Variants in FASTKD1 observed in about 807,000 individuals in gnomAD.
FASTKD1 encodes FAST kinase domains 1.
A neutral mutation model predicts 90.9 loss-of-function variants in FASTKD1; 94 were observed. The ratio of observed to expected loss-of-function variants is 1.03; its 90% CI spans 0.88 to 1.23. The LOEUF is 1.23. Among genes scored for constraint, FASTKD1 ranks in the 50% most tolerant of loss-of-function variants. The pLI, the probability that FASTKD1 is intolerant of heterozygous loss-of-function variation, is 0.00. For missense variants in FASTKD1, 945 were observed against 993.5 expected, an observed-to-expected ratio of 0.95 and a Z score of 0.66; for synonymous variants, 319 against 345.8, an observed-to-expected ratio of 0.92 and a Z score of 0.86.
intron 4 of FASTKD1, among the ~76,000 whole-genome samples, chr2:169,561,944 A>G (rs1427123612): frequency 7.3e-6 from 1 of 137,800 alleles, no homozygotes; most frequent in Non-Finnish European, 1.5e-5. Context: ...AATTTATTAT[A>G]AATTAATTAT....
chr2:169,529,698 G>T lies in FASTKD1; in HGVS notation c.*127C>A. 1.6e-6 allele frequency: 1 copy of T among 639,068 alleles called. No individual in the cohort carries two copies. The allele number at this position is 639,068 out of a possible 1,614,324, so 39.6% of individuals were successfully genotyped here. ...CTGCTCCAGCCACACTGGATCCTTT[G>T]TTATTCTCAAACATGCCAGGCATGT... On this transcript the variant is annotated 3_prime_UTR_variant, in exon 15 of 15. Coordinates refer to ENST00000453153, the MANE Select transcript of FASTKD1 (RefSeq NM_024622.6).
intron 2 of FASTKD1, among the ~76,000 whole-genome samples, chr2:169,570,288 G>C (rs1330756411): frequency 2.6e-5 from 4 of 152,220 alleles, no homozygotes; most frequent in African/African-American, 7.2e-5. Context: ...TCTTTTGAAG[G>C]CTGGATTTCC....
At chr2:169,531,283 G>A in intron 13 of FASTKD1, 69 bp downstream of exon 13, 2 of 1,473,884 alleles carry the variant, frequency 1.4e-6, no homozygotes, top group Non-Finnish European at 1.9e-6. Flanking sequence ...CTTGATCACT[G>A]ACTTCAGTAT....
chr2:169,569,414 G>A lies in FASTKD1; in HGVS notation c.378-162C>T, dbSNP rs112894685. Among the ~76,000 whole-genome samples, 512 of 152,038 alleles carry A rather than the reference G, an allele frequency of 3.4e-3. 4 individuals carry two copies. Among genetic ancestry groups the A allele is most frequent in the African/African-American group, 0.012 (487 of 41,476 alleles). On this transcript the variant is annotated intron_variant, in intron 2 of 14. Transcript: ENST00000453153. ...CTTATTTCAATATTCTGATTTTTTG[G>A]TACAGCCTAATAAACATCTATACTT...
intron 5 of FASTKD1, among the ~76,000 whole-genome samples, chr2:169,558,263 T>C (rs570167083): frequency 6.6e-6 from 1 of 152,316 alleles, no homozygotes; most frequent in South Asian, 2.1e-4. Context: ...CGTGTGTGTG[T>C]TTCTTCGTCT....
At chr2:169,567,136 T>C (rs1042404066) in intron 3 of FASTKD1, among the ~76,000 whole-genome samples, 1 of 152,110 alleles carries the variant, frequency 6.6e-6, no homozygotes, top group Admixed American at 6.6e-5. Flanking sequence ...AACATAAGTT[T>C]ATAGATATTT....
intron 4 of FASTKD1, among the ~76,000 whole-genome samples, chr2:169,561,078 C>G (rs1047998647): frequency 1.3e-5 from 2 of 150,858 alleles, no homozygotes; most frequent in African/African-American, 4.9e-5. Flanking sequence ...GTGGGCAGAT[C>G]ACTTGTGGTC....
In FASTKD1 at chr2:169,568,848, C is replaced by T. The variant is rs1042790218; in HGVS notation, c.446+336G>A. Among the ~76,000 whole-genome samples, 79 of 151,162 alleles carry T rather than the reference C, an allele frequency of 5.2e-4. 1 individual carries two copies. The highest frequency in any genetic ancestry group is 8.7e-4 in the Non-Finnish European group (59 of 67,688). On this transcript the variant is annotated intron_variant, in intron 3 of 14. Coordinates refer to ENST00000453153, the MANE Select transcript of FASTKD1 (RefSeq NM_024622.6). Reference sequence around the variant, plus strand: ...ACCCCATCTCTACTAAAAATACAAACAATTAGCCCTGAGTCATGGTGGGTG... The same window carrying T: ...ACCCCATCTCTACTAAAAATACAAATAATTAGCCCTGAGTCATGGTGGGTG...
chr2:169,531,231 G>T, intron 13 of FASTKD1, 121 bp downstream of exon 13: 1 of 1,021,780 alleles, frequency 9.8e-7, no homozygotes, highest in Non-Finnish European at 1.6e-6. Context: ...TACAAAGGTG[G>T]AATGCATGAC....
At chr2:169,548,191 G>A (rs749939951) in intron 7 of FASTKD1, among the ~76,000 whole-genome samples, 4 of 151,986 alleles carry the variant, frequency 2.6e-5, no homozygotes, top group Non-Finnish European at 5.9e-5. Context: ...TTCCAGTGCT[G>A]TCGCTGAAGA....
chr2:169,537,173 A>G, intron 12 of FASTKD1, 54 bp downstream of exon 12: 3 of 1,061,880 alleles, frequency 2.8e-6, no homozygotes, highest in Non-Finnish European at 4.4e-6. Context: ...AGATGATTCT[A>G]TTCAAATTAG....
At chr2:169,564,949 TTTC>T (rs763994207) in intron 3 of FASTKD1, among the ~76,000 whole-genome samples, 217 of 137,944 alleles carry the variant, frequency 1.6e-3, no homozygotes, top group East Asian at 2.9e-3. Context: ...ATACCACATT[TTTC>T]TTTTTTTTTT....
At chr2:169,571,114 T>C in intron 2 of FASTKD1, 1 of 152,852 alleles carries the variant, frequency 6.5e-6, no homozygotes, top group Non-Finnish European at 1.5e-5. Context: ...GAGAATTGCT[T>C]GAACCTGGGA....
rs10618482 is a variant in FASTKD1 at position 169,568,628 on chromosome 2, TAAAAAAAAA to T, written c.446+547_446+555del. 7.7e-3 allele frequency among the ~76,000 whole-genome samples: 321 copies of T among 41,546 alleles called. 3 individuals carry two copies. Among genetic ancestry groups the T allele is most frequent in the African/African-American group, 0.019 (282 of 15,072 alleles). 27.3% of individuals were successfully genotyped at this position (41,546 alleles called of 152,430 possible). On this transcript the variant is annotated intron_variant, in intron 3 of 14. Coordinates refer to ENST00000453153, the MANE Select transcript of FASTKD1 (RefSeq NM_024622.6). ...GGCAACATGTCAAGACCCTGTCCATTAAAAAAAAAAAAAAAAAAAAAAAAAAAAGAGAGA... is the reference window on the plus strand; with the variant it reads ...GGCAACATGTCAAGACCCTGTCCATTAAAAAAAAAAAAAAAAAAAGAGAGA...
At position 169,544,832 on chromosome 2, in the gene FASTKD1, G is replaced by A. The variant is rs144290701; in HGVS notation, c.1705C>T (p.His569Tyr). Reference sequence around the variant, plus strand: ...ATAATAGCAGGGATTGTAAAAGGATGGATCTGTATAAAAAGAACAAAAAAT... The same window carrying A: ...ATAATAGCAGGGATTGTAAAAGGATAGATCTGTATAAAAAGAACAAAAAAT... ...SVAVQQIEKI[H>Y]PFTIPAIIRP... The change falls in exon 9 of 15, where the codon CAT becomes TAT. Residue 569 changes from histidine to tyrosine, a missense_variant. Coordinates refer to ENST00000453153, the MANE Select transcript of FASTKD1 (RefSeq NM_024622.6). 1.3e-6 allele frequency: 2 copies of A among 1,577,308 alleles called. No individual in the cohort carries two copies. Among genetic ancestry groups the A allele is most frequent in the Admixed American group, 1.7e-5 (1 of 57,590 alleles).
intron 8 of FASTKD1, 104 bp downstream of exon 8, chr2:169,546,114 T>C: frequency 8.0e-7 from 1 of 1,256,592 alleles, no homozygotes; most frequent in East Asian, 2.4e-5. Context: ...ATTTAATTTT[T>C]AAACCTCAAA....
At chr2:169,563,192 C>T (rs554434285) in intron 4 of FASTKD1, 33 bp downstream of exon 4, 1 of 1,598,744 alleles carries the variant, frequency 6.3e-7, no homozygotes, top group African/African-American at 1.3e-5. Context: ...AGGATCTTTC[C>T]ACCACAACAC....
chr2:169,532,982 C>T (rs888337315), intron 12 of FASTKD1, among the ~76,000 whole-genome samples: 2 of 151,480 alleles, frequency 1.3e-5, no homozygotes, highest in African/African-American at 4.9e-5. Flanking sequence ...TTACATTTCC[C>T]ATAATTCCCA....
rs1684255247 is a variant in FASTKD1, at chr2:169,571,958, G to A, written c.72C>T (p.Phe24=). ...GTCGAAATTGAAACACTCTCCAGGA[G>A]AATGGACAAATAGCTCTTAGACGAA... is the stretch of plus-strand genomic sequence containing the variant. ...NMLRLRAICP[F]SWRVFQFRPI... is the part of the protein sequence containing the mutation. The change falls in exon 2 of 15, where the codon TTC becomes TTT. Residue 24 remains phenylalanine, a synonymous_variant. Transcript: ENST00000453153. The A allele has an allele frequency of 1.2e-6, 2 of 1,613,830 alleles. No homozygotes were observed. Among genetic ancestry groups the A allele is most frequent in the Non-Finnish European group, 1.7e-6 (2 of 1,179,918 alleles).
Sources: gnomAD v4.1 joint callset for allele counts (sites outside exome capture counted in the v4.1 genomes callset) on GRCh38, gnomAD v4.1.1 for gene constraint, MANE v1.5 for transcripts, NCBI Gene and HGNC (gene_info 2026-07-23, HGNC 2026-07-21) for gene names.